Variants in BMPR1B observed in about 807,000 individuals in gnomAD.
BMPR1B encodes the protein bone morphogenetic protein receptor type-1B.
A neutral mutation model predicts 59.1 loss-of-function variants in BMPR1B; 12 were observed. The observed-to-expected ratio is 0.20, with a 90% CI of 0.13 to 0.33. The LOEUF (loss-of-function observed/expected upper bound fraction) is 0.33, where lower values mean the gene tolerates loss of function less well. Ranked by LOEUF, BMPR1B falls within the 10% of genes least tolerant of loss-of-function variation. BMPR1B has a pLI of 1.00. For missense variants in BMPR1B, 550 were observed against 610.9 expected (o/e 0.90, Z 1.05); for synonymous variants, 237 against 207.3 (o/e 1.14, Z -1.23).
rs556215071 is a variant in BMPR1B, at chr4:95,108,387, C to T, written c.143+3820C>T. On this transcript the variant is annotated intron_variant, in intron 4 of 12. Transcript: ENST00000515059. ...TTGTCTGGCTTGAGGCCTTGTACCA[C>T]CCAGATCTTAGTCAAACTGAGTGTT... Among the ~76,000 whole-genome samples the T allele has an allele frequency of 5.3e-4, 81 of 152,164 alleles. 2 individuals are homozygous for T. The highest frequency in any genetic ancestry group is 3.9e-3 in the East Asian group (20 of 5,178).
intron 2 of BMPR1B, among the ~76,000 whole-genome samples, chr4:94,988,966 G>A (rs1721573544): frequency 6.6e-6 from 1 of 152,012 alleles, no homozygotes; most frequent in African/African-American, 2.4e-5. Context: ...AGCGTCACCT[G>A]TTCCCTCAGG....
intron 3 of BMPR1B, among the ~76,000 whole-genome samples, chr4:95,071,189 T>TA (rs1162821849): frequency 2.0e-5 from 3 of 152,300 alleles, no homozygotes; most frequent in East Asian, 1.9e-4. Flanking sequence ...GTGATTTTAT[T>TA]ACCTTATTTA....
chr4:94,895,669 CTT>C lies in BMPR1B; in HGVS notation c.-113+19779_-113+19780del, dbSNP rs34398430. ...TTGGTATTTATGAGGTGTGTGACAT[CTT>C]TTTTTTTTTAAAAATAGGCTCTATA... On this transcript the variant is annotated intron_variant, in intron 2 of 12. Transcript: ENST00000515059. Among the ~76,000 whole-genome samples the C allele has an allele frequency of 6.7e-3, 981 of 146,196 alleles. 6 individuals carry two copies. The highest frequency in any genetic ancestry group is 0.011 in the Middle Eastern group (3 of 270).
chr4:94,935,550 C>T (rs535916152), intron 2 of BMPR1B, among the ~76,000 whole-genome samples: 2 of 152,220 alleles, frequency 1.3e-5, no homozygotes, highest in East Asian at 3.9e-4. Flanking sequence ...CAAGACAAGG[C>T]TGATGGTTCT....
At chr4:95,103,940 C>G (rs1249857672) in intron 3 of BMPR1B, among the ~76,000 whole-genome samples, 1 of 151,994 alleles carries the variant, frequency 6.6e-6, no homozygotes, top group African/African-American at 2.4e-5. Context: ...AGTAGAGAGA[C>G]TCTGTGATAT....
intron 3 of BMPR1B, among the ~76,000 whole-genome samples, chr4:95,009,859 G>A (rs1403987672): frequency 6.6e-6 from 1 of 152,150 alleles, no homozygotes; most frequent in East Asian, 1.9e-4. Context: ...TTGTAAAGAA[G>A]GATCTTTCAC....
At chr4:94,823,602 C>T (rs1445387052) in intron 1 of BMPR1B, among the ~76,000 whole-genome samples, 1 of 152,180 alleles carries the variant, frequency 6.6e-6, no homozygotes, top group Non-Finnish European at 1.5e-5. Context: ...ACTGCACACA[C>T]AGCCTAACCT....
At chr4:95,119,773 A>T (rs547358714) in intron 6 of BMPR1B, among the ~76,000 whole-genome samples, 1 of 152,210 alleles carries the variant, frequency 6.6e-6, no homozygotes, top group Non-Finnish European at 1.5e-5. Flanking sequence ...GCTGTTAAAC[A>T]TATATATTTT....
intron 2 of BMPR1B, among the ~76,000 whole-genome samples, chr4:94,965,626 A>G (rs1382701357): frequency 6.6e-6 from 1 of 152,196 alleles, no homozygotes; most frequent in South Asian, 2.1e-4. Flanking sequence ...ATTGGAGAAA[A>G]CATAGACAAT....
chr4:94,978,232 A>G (rs1024348384), intron 2 of BMPR1B, among the ~76,000 whole-genome samples: 4 of 152,208 alleles, frequency 2.6e-5, no homozygotes, highest in Non-Finnish European at 5.9e-5. Context: ...TAACCATAAA[A>G]CTTAGTAGAT....
At chr4:94,899,443 A>T (rs1351355992) in intron 2 of BMPR1B, among the ~76,000 whole-genome samples, 2 of 148,734 alleles carry the variant, frequency 1.3e-5, no homozygotes, top group African/African-American at 5.0e-5. Flanking sequence ...ACACACACAC[A>T]TACACACACA....
At chr4:94,795,455 G>A (rs1723150740) in intron 1 of BMPR1B, among the ~76,000 whole-genome samples, 1 of 151,386 alleles carries the variant, frequency 6.6e-6, no homozygotes, top group Non-Finnish European at 1.5e-5. Context: ...TTCAAAACTA[G>A]TTTGGCTCTG....
chr4:95,152,846 A>C (rs1735150524), intron 12 of BMPR1B, 73 bp downstream of exon 12: 2 of 1,551,504 alleles, frequency 1.3e-6, no homozygotes, highest in Non-Finnish European at 8.8e-7. Context: ...AAAATTCCAC[A>C]TATTGATTGT....
intron 11 of BMPR1B, among the ~76,000 whole-genome samples, chr4:95,149,407 A>G (rs1734872963): frequency 6.6e-6 from 1 of 152,168 alleles, no homozygotes; most frequent in Non-Finnish European, 1.5e-5. Flanking sequence ...CCATAAAGCA[A>G]TTTGAAAACA....
chr4:94,945,674 A>G (rs556766435), intron 2 of BMPR1B, among the ~76,000 whole-genome samples: 42 of 152,328 alleles, frequency 2.8e-4, no homozygotes, highest in African/African-American at 8.2e-4. Context: ...GGCTCAAGCA[A>G]TCCTCCTGCC....
At chr4:94,911,643 T>C (rs1055746900) in intron 2 of BMPR1B, among the ~76,000 whole-genome samples, 2 of 152,172 alleles carry the variant, frequency 1.3e-5, no homozygotes, top group Non-Finnish European at 2.9e-5. Flanking sequence ...ACTATGAAGT[T>C]AATGATCATT....
chr4:94,929,408 C>T (rs550759275), intron 2 of BMPR1B, among the ~76,000 whole-genome samples: 1 of 152,220 alleles, frequency 6.6e-6, no homozygotes, highest in Non-Finnish European at 1.5e-5. Context: ...TATCATCTCT[C>T]TGCTAAAACT....
intron 12 of BMPR1B, 28 bp downstream of exon 12, chr4:95,152,801 T>G (rs1579171911): frequency 6.2e-7 from 1 of 1,610,590 alleles, no homozygotes; most frequent in Non-Finnish European, 8.5e-7. Context: ...CATGTGGCTG[T>G]GACAGACTTC....
intron 1 of BMPR1B, among the ~76,000 whole-genome samples, chr4:94,816,195 G>T (rs1369236555): frequency 6.6e-6 from 1 of 152,154 alleles, no homozygotes; most frequent in Non-Finnish European, 1.5e-5. Context: ...CAACTAGGCT[G>T]GAGTGCAGTG....
Sources: gnomAD v4.1 joint callset for allele counts (sites outside exome capture counted in the v4.1 genomes callset) on GRCh38, gnomAD v4.1.1 for gene constraint, MANE v1.5 for transcripts, NCBI Gene and HGNC (gene_info 2026-07-23, HGNC 2026-07-21) for gene names.